The following RBMS2 variants were observed in gnomAD, a reference collection of about 807,000 sequenced individuals.
RBMS2 encodes RNA binding motif single stranded interacting protein 2, also known as RNA-binding motif, single-stranded-interacting protein 2.
A neutral mutation model predicts 58.4 loss-of-function variants in RBMS2; 38 were observed. The ratio of observed to expected loss-of-function variants is 0.65; its 90% CI spans 0.50 to 0.85. The LOEUF is 0.85. RBMS2 is among the 40% of genes least tolerant of loss of function. RBMS2 has a pLI of 0.00. For missense variants in RBMS2, 367 were observed against 503.7 expected, an observed-to-expected ratio of 0.73 and a Z score of 2.60; for synonymous variants, 151 against 180.7, an observed-to-expected ratio of 0.84 and a Z score of 1.32.
intron 1 of RBMS2, among the ~76,000 whole-genome samples, chr12:56,539,976 C>T (rs979911547): frequency 2.6e-5 from 4 of 152,126 alleles, no homozygotes; most frequent in African/African-American, 4.8e-5. Flanking sequence ...TTTCATTCTC[C>T]GAATGGCTAG....
chr12:56,588,245 A>G (rs1884950207), intron 11 of RBMS2, 49 bp from the exon 12 acceptor site: 3 of 1,488,932 alleles, frequency 2.0e-6, no homozygotes, highest in East Asian at 2.3e-5. Context: ...GCTGCTTCAA[A>G]TGTAGCCAAA....
chr12:56,542,552 C>CTT (rs1239883545), intron 1 of RBMS2, among the ~76,000 whole-genome samples: 5 of 101,036 alleles, frequency 4.9e-5, no homozygotes, highest in African/African-American at 1.5e-4. Flanking sequence ...TCTTGTTTTT[C>CTT]TTTTTTTTTT....
intron 1 of RBMS2, among the ~76,000 whole-genome samples, chr12:56,544,277 A>G (rs1876729136): frequency 1.3e-5 from 2 of 151,994 alleles, no homozygotes; most frequent in South Asian, 2.1e-4. Flanking sequence ...CTTTGTCTCA[A>G]AAAAAAACCC....
chr12:56,526,164 G>A (rs1450934362), intron 1 of RBMS2, among the ~76,000 whole-genome samples: 11 of 151,578 alleles, frequency 7.3e-5, no homozygotes, highest in South Asian at 2.1e-4. Context: ...AAAATTAGCC[G>A]GGTATGGTGG....
intron 1 of RBMS2, among the ~76,000 whole-genome samples, chr12:56,551,735 GTA>G (rs1878304605): frequency 6.6e-6 from 1 of 152,200 alleles, no homozygotes; most frequent in Non-Finnish European, 1.5e-5. Flanking sequence ...CCTGCTTGAT[GTA>G]TATATGTTGA....
chr12:56,575,954 TCAGTTACCCA>T (rs994084720), intron 5 of RBMS2, among the ~76,000 whole-genome samples: 34 of 152,122 alleles, frequency 2.2e-4, no homozygotes, highest in African/African-American at 8.2e-4. Context: ...TTCTATGGTT[TCAGTTACCCA>T]CAGTCAACTG....
chr12:56,522,495 C>T (rs898774684), intron 1 of RBMS2, among the ~76,000 whole-genome samples: 1 of 152,172 alleles, frequency 6.6e-6, no homozygotes, highest in Non-Finnish European at 1.5e-5. Flanking sequence ...TCTCCCCAAC[C>T]TTCCCTCCTA....
intron 11 of RBMS2, 95 bp from the exon 12 acceptor site, chr12:56,588,199 G>A: frequency 2.1e-6 from 2 of 957,660 alleles, no homozygotes; most frequent in Non-Finnish European, 3.3e-6. Flanking sequence ...CTCTGGGGTA[G>A]AATACAGGTG....
At chr12:56,573,009 C>T in intron 5 of RBMS2, 1 of 972,754 alleles carries the variant, frequency 1.0e-6, no homozygotes, top group Non-Finnish European at 1.2e-6. Flanking sequence ...AGAAATGGCT[C>T]TGCTTTTATT....
At chr12:56,570,902 A>G (rs777773556) in intron 4 of RBMS2, among the ~76,000 whole-genome samples, 10 of 152,126 alleles carry the variant, frequency 6.6e-5, no homozygotes, top group Non-Finnish European at 1.2e-4. Flanking sequence ...TGAAGCTGTT[A>G]TGAGTATTAT....
rs1300034542 is a variant in RBMS2, at chr12:56,593,384, G to A, written c.*4251G>A. On this transcript the variant is annotated 3_prime_UTR_variant, in exon 14 of 14. Transcript: ENST00000262031. Reference sequence around the variant, plus strand: ...TTGGCCAGGCTAGTGTCCAACTCCTGACCTCCAAACAGCTAATTTTTGTAT... The same window carrying A: ...TTGGCCAGGCTAGTGTCCAACTCCTAACCTCCAAACAGCTAATTTTTGTAT... The A allele has an allele frequency of 6.6e-6, 1 of 151,700 alleles. No individual in the cohort carries two copies. The highest frequency in any genetic ancestry group is 1.5e-5 in the Non-Finnish European group (1 of 67,996). 9.4% of individuals were successfully genotyped at this position (151,700 alleles called of 1,614,324 possible).
intron 1 of RBMS2, among the ~76,000 whole-genome samples, chr12:56,534,787 G>A (rs1047793672): frequency 9.9e-5 from 15 of 151,966 alleles, no homozygotes; most frequent in South Asian, 2.1e-4. Context: ...GACTACAGGC[G>A]CCCGCCACCA....
chr12:56,525,281 G>A (rs1430885514), intron 1 of RBMS2, among the ~76,000 whole-genome samples: 1 of 151,948 alleles, frequency 6.6e-6, no homozygotes, highest in Admixed American at 6.6e-5. Context: ...GAGTCCAGTG[G>A]CGCGATCCTG....
chr12:56,544,225 G>A (rs930943598), intron 1 of RBMS2, among the ~76,000 whole-genome samples: 5 of 151,976 alleles, frequency 3.3e-5, no homozygotes, highest in African/African-American at 9.7e-5. Flanking sequence ...GCAATGAGCC[G>A]AGATCATACC....
chr12:56,554,160 T>C (rs1214559905), intron 1 of RBMS2, among the ~76,000 whole-genome samples: 1 of 152,156 alleles, frequency 6.6e-6, no homozygotes, highest in Non-Finnish European at 1.5e-5. Context: ...GACAAAATTC[T>C]CCTTCCTTTG....
chr12:56,547,621 C>T (rs932964372), intron 1 of RBMS2, among the ~76,000 whole-genome samples: 2 of 151,562 alleles, frequency 1.3e-5, no homozygotes, highest in Admixed American at 6.6e-5. Flanking sequence ...ATACCATTAG[C>T]ACAAATATTT....
chr12:56,566,750 G>A (rs928777623), intron 2 of RBMS2, among the ~76,000 whole-genome samples: 10 of 152,142 alleles, frequency 6.6e-5, no homozygotes, highest in Middle Eastern at 3.4e-3. Context: ...CCCGGGAGGC[G>A]GAGGTTGCAG....
At chr12:56,523,032 T>G (rs1258768202) in intron 1 of RBMS2, among the ~76,000 whole-genome samples, 1 of 152,218 alleles carries the variant, frequency 6.6e-6, no homozygotes, top group Non-Finnish European at 1.5e-5. Flanking sequence ...GAACGATTCC[T>G]GCTGCTTTCT....
chr12:56,581,499 T>G lies in RBMS2; in HGVS notation c.723T>G (p.Asn241Lys). ...FVQNGRAWPR[N>K]ADMGVMALTY... The stretch of plus-strand genomic sequence containing the variant: ...AAAATGGACGGGCTTGGCCAAGGAA[T>G]GCAGACATGGTAAGAGGACCTCTGA... The change falls in exon 7 of 14, where the codon AAT becomes AAG. Residue 241 changes from asparagine to lysine, a missense_variant. Asn to Lys is a moderately conservative substitution (Grantham distance 94). Around this residue, in one of 3 missense-constraint regions of RBMS2, gnomAD observed 220 missense variants for 261.1 expected, o/e 0.84. Coordinates refer to ENST00000262031, the MANE Select transcript of RBMS2 (RefSeq NM_002898.4). 1 of 1,613,902 alleles carries G rather than the reference T, an allele frequency of 6.2e-7. No individual in the cohort carries two copies. Among genetic ancestry groups the G allele is most frequent in the Non-Finnish European group, 8.5e-7 (1 of 1,179,784 alleles).
Sources: gnomAD v4.1 joint callset for allele counts (sites outside exome capture counted in the v4.1 genomes callset) on GRCh38, gnomAD v4.1.1 for gene constraint, gnomAD v4.1.1 regional missense constraint, MANE v1.5 for transcripts, NCBI Gene and HGNC (gene_info 2026-07-23, HGNC 2026-07-21) for gene names.